SCD: variants seen among roughly 807,000 people sequenced by gnomAD.
SCD encodes the protein acyl-CoA desaturase.
SCD carries 4 observed loss-of-function variants against 35.7 expected under a neutral mutation model. The observed-to-expected ratio is 0.11, with a 90% confidence interval of 0.06 to 0.26. SCD has a LOEUF of 0.26. Ranked by LOEUF, SCD falls within the 10% of genes least tolerant of loss-of-function variation. SCD has a pLI of 1.00. For missense variants in SCD, 282 were observed against 460.7 expected (o/e 0.61, Z 3.55); for synonymous variants, 150 against 170.2 (o/e 0.88, Z 0.92).
Position 100,356,861 on chromosome 10 carries a change from C to G in SCD, c.880+97C>G. 1 of 954,328 alleles carries G rather than the reference C, an allele frequency of 1.0e-6. No individual in the cohort carries two copies. The highest frequency in any genetic ancestry group is 1.6e-6 in the Non-Finnish European group (1 of 620,978). The allele number at this position is 954,328 out of a possible 1,614,324, so 59.1% of individuals were successfully genotyped here. A position where few individuals can be genotyped will look rare whatever the true frequency, so the allele number is the denominator to read the frequency against. On this transcript the variant is annotated intron_variant, in intron 5 of 5. Transcript: ENST00000370355. The surrounding 1 kb of genome is among the most constrained non-coding windows in gnomAD (Gnocchi z 4.1). ...AACTAGATAAATCTGTTTTTTATGG[C>G]TACTTTGTATCTCAGTTTTTCCACT...
intron 1 of SCD, 26 bp from the exon 2 acceptor site, chr10:100,348,038 G>A: frequency 2.5e-6 from 4 of 1,607,526 alleles, no homozygotes; most frequent in Non-Finnish European, 2.5e-6. Flanking sequence ...CTCTTCTCCT[G>A]ACTCTCCTCT....
rs1849931952 is a variant in SCD, at chr10:100,356,661, T to C, written c.777T>C (p.Asn259=). Residue 259 remains asparagine, a synonymous_variant, in exon 5 of 6, where the codon AAT becomes AAC. Coordinates refer to ENST00000370355, the MANE Select transcript of SCD (RefSeq NM_005063.5). This position sits in a 1 kb window ranked among gnomAD's most constrained non-coding sequence, Gnocchi z 4.1. ...TCTTGCGATATGCTGTGGTGCTTAA[T>C]GCCACCTGGCTGGTGAACAGTGCTG... The part of the protein sequence containing the change: ...ATFLRYAVVL[N]ATWLVNSAAH... The C allele has an allele frequency of 6.2e-7, 1 of 1,614,272 alleles. No homozygotes were observed. Among genetic ancestry groups the C allele is most frequent in the Non-Finnish European group, 8.5e-7 (1 of 1,180,048 alleles).
chr10:100,360,411 C>G (rs1241903862), intron 5 of SCD, among the ~76,000 whole-genome samples: 1 of 152,166 alleles, frequency 6.6e-6, no homozygotes, highest in East Asian at 1.9e-4. Flanking sequence ...CCACGGGTGA[C>G]CAGGGTCTCC....
Position 100,347,955 on chromosome 10 carries a change from G to A in SCD, c.28-109G>A, listed in dbSNP as rs1304694095. 3 of 1,111,262 alleles carry A rather than the reference G, an allele frequency of 2.7e-6. No individual in the cohort carries two copies. In the East Asian group the frequency reaches 7.1e-5, roughly 26 times the overall value. The allele number at this position is 1,111,262 out of a possible 1,614,324, so 68.8% of individuals were successfully genotyped here. A position where few individuals can be genotyped will look rare whatever the true frequency, so the allele number is the denominator to read the frequency against. ...TACCCTCAGTGAACTACGGCGCTGC[G>A]GAAGGGTCCGTACTGTCCACCCTTC... On this transcript the variant is annotated intron_variant, in intron 1 of 5. Coordinates refer to ENST00000370355, the MANE Select transcript of SCD (RefSeq NM_005063.5).
chr10:100,357,001 G>C (rs1849935124), intron 5 of SCD, among the ~76,000 whole-genome samples: 1 of 152,162 alleles, frequency 6.6e-6, no homozygotes, highest in Admixed American at 6.5e-5. Context: ...TTGATTCCAG[G>C]TTCTAAAACA....
chr10:100,354,600 A>G lies in SCD; in HGVS notation c.615A>G (p.Leu205=). ...EKGSTLDLSD[L]EAEKLVMFQR... is the part of the protein sequence containing the mutation. ...GGAGTACGCTAGACTTGTCTGACCTAGAAGCTGAGAAACTGGTGATGTTCC... is the reference window on the plus strand; with the variant it reads ...GGAGTACGCTAGACTTGTCTGACCTGGAAGCTGAGAAACTGGTGATGTTCC... Residue 205 remains leucine, a synonymous_variant, in exon 4 of 6, where the codon CTA becomes CTG. Transcript: ENST00000370355. 6.2e-7 allele frequency: 1 copy of G among 1,614,208 alleles called. No individual in the cohort carries two copies. The highest frequency in any genetic ancestry group is 1.1e-5 in the South Asian group (1 of 91,078).
At position 100,349,215 on chromosome 10, in the gene SCD, C is replaced by T. The variant is rs190999179; in HGVS notation, c.310+869C>T. Among the ~76,000 whole-genome samples the T allele has an allele frequency of 3.7e-3, 559 of 152,336 alleles. 4 individuals are homozygous for T. Among genetic ancestry groups the T allele is most frequent in the Admixed American group, 5.0e-3 (77 of 15,302 alleles). On this transcript the variant is annotated intron_variant, in intron 2 of 5. Coordinates refer to ENST00000370355, the MANE Select transcript of SCD (RefSeq NM_005063.5). ...TGAGGGAGACAGTTCCCAGTTTGTC[C>T]CCGACCTGCCCTTAGCTCAGCTCTT...
chr10:100,353,700 T>C (rs994157123), intron 3 of SCD, among the ~76,000 whole-genome samples: 22 of 152,168 alleles, frequency 1.4e-4, no homozygotes, highest in African/African-American at 5.1e-4. Context: ...GCGTTTGGCT[T>C]AGCTTGGAGC....
intron 2 of SCD, 135 bp downstream of exon 2, chr10:100,348,481 T>G (rs1488438216): frequency 1.7e-5 from 15 of 867,812 alleles, no homozygotes; most frequent in Non-Finnish European, 2.5e-5. Context: ...TCTCTTTGGT[T>G]GCTTCAGGCC....
At chr10:100,358,842 C>T (rs1248729206) in intron 5 of SCD, among the ~76,000 whole-genome samples, 3 of 151,070 alleles carry the variant, frequency 2.0e-5, no homozygotes, top group Non-Finnish European at 4.4e-5. Context: ...GCAGAAGAAT[C>T]GCTTGAACCC....
At position 100,356,730 on chromosome 10, in the gene SCD, C is replaced by A; in HGVS notation, c.846C>A (p.Pro282=). The A allele has an allele frequency of 6.2e-7, 1 of 1,614,236 alleles. No individual in the cohort carries two copies. Among genetic ancestry groups the A allele is most frequent in the East Asian group, 2.2e-5 (1 of 44,890 alleles). The change falls in exon 5 of 6, where the codon CCC becomes CCA. Residue 282 remains proline, a synonymous_variant. Coordinates refer to ENST00000370355, the MANE Select transcript of SCD (RefSeq NM_005063.5). This position sits in a 1 kb window ranked among gnomAD's most constrained non-coding sequence, Gnocchi z 4.1. ...GTCCTTATGACAAGAACATTAGCCC[C>A]CGGGAGAATATCCTGGTTTCACTTG... is the stretch of plus-strand genomic sequence containing the variant. ...GYRPYDKNIS[P]RENILVSLGA...
chr10:100,348,370 G>C (rs771440028), intron 2 of SCD, 24 bp downstream of exon 2: 17 of 1,607,368 alleles, frequency 1.1e-5, no homozygotes, highest in Non-Finnish European at 1.4e-5. Context: ...CTGTCCTCCT[G>C]ACCTAGTCCT....
chr10:100,359,337 G>A (rs936033084), intron 5 of SCD, among the ~76,000 whole-genome samples: 1 of 151,894 alleles, frequency 6.6e-6, no homozygotes, highest in Non-Finnish European at 1.5e-5. Flanking sequence ...CATCTTCTCT[G>A]CCAAATTAAC....
chr10:100,354,372 C>A, intron 3 of SCD, 55 bp from the exon 4 acceptor site: 1 of 1,480,464 alleles, frequency 6.8e-7, no homozygotes, highest in Non-Finnish European at 9.4e-7. Flanking sequence ...CATTGGGATT[C>A]TCCTAATAGG....
intron 2 of SCD, among the ~76,000 whole-genome samples, chr10:100,351,716 C>T (rs1053520356): frequency 1.3e-5 from 2 of 152,090 alleles, no homozygotes; most frequent in Non-Finnish European, 2.9e-5. Flanking sequence ...TCTTGGCTCA[C>T]CGCAGCCTCG....
intron 3 of SCD, 80 bp from the exon 4 acceptor site, chr10:100,354,347 C>G: frequency 1.6e-6 from 2 of 1,288,870 alleles, no homozygotes; most frequent in Non-Finnish European, 2.2e-6. Context: ...GCGCCTTGGG[C>G]TCTTGATACC....
rs200546686 is a variant in SCD at position 100,361,224 on chromosome 10, T to C, written c.*291T>C. 1.9e-4 allele frequency: 75 copies of C among 397,138 alleles called. No homozygotes were observed. Among genetic ancestry groups the C allele is most frequent in the Non-Finnish European group, 2.8e-4 (61 of 216,656 alleles). The allele number at this position is 397,138 out of a possible 1,614,324, so 24.6% of individuals were successfully genotyped here. On this transcript the variant is annotated 3_prime_UTR_variant, in exon 6 of 6. Transcript: ENST00000370355. ...CCTTATTGCCTCCCAGGCAAGCAGC[T>C]GGTCAGTCTTTGCTCAGTGTCCAGC... is the stretch of plus-strand genomic sequence containing the variant.
Position 100,356,386 on chromosome 10 carries a change from C to G in SCD, c.648-146C>G, listed in dbSNP as rs1309406848. The G allele has an allele frequency of 5.8e-6, 4 of 693,754 alleles. No homozygotes were observed. Among genetic ancestry groups the G allele is most frequent in the Non-Finnish European group, 9.9e-6 (4 of 403,786 alleles). 43.0% of individuals were successfully genotyped at this position (693,754 alleles called of 1,614,324 possible). On this transcript the variant is annotated intron_variant, in intron 4 of 5. Coordinates refer to ENST00000370355, the MANE Select transcript of SCD (RefSeq NM_005063.5). This position sits in a 1 kb window ranked among gnomAD's most constrained non-coding sequence, Gnocchi z 4.1. ...GTGAGACCCTGTCAAAAAAAACAAA[C>G]AAAAATAAATAAAACAATGAACTTA...
Position 100,352,518 on chromosome 10 carries a change from G to A in SCD, c.441+22G>A. 6.2e-7 allele frequency: 1 copy of A among 1,611,168 alleles called. No homozygotes were observed. Reference sequence around the variant, plus strand: ...CCAGGTAAGAAGTTGTCTCTGCTCAGCTGTTTGTCCTCCACACTATTAATG... The same window carrying A: ...CCAGGTAAGAAGTTGTCTCTGCTCAACTGTTTGTCCTCCACACTATTAATG... On this transcript the variant is annotated intron_variant, in intron 3 of 5. Coordinates refer to ENST00000370355, the MANE Select transcript of SCD (RefSeq NM_005063.5). This position sits in a 1 kb window ranked among gnomAD's most constrained non-coding sequence, Gnocchi z 4.2.
Sources: gnomAD v4.1 joint callset for allele counts (sites outside exome capture counted in the v4.1 genomes callset) on GRCh38, gnomAD v4.1.1 for gene constraint, Gnocchi (gnomAD v3.1) non-coding constraint, MANE v1.5 for transcripts, NCBI Gene and HGNC (gene_info 2026-07-23, HGNC 2026-07-21) for gene names.